The following FAF1 variants were observed in gnomAD, a reference collection of about 807,000 sequenced individuals.
FAF1 encodes the protein FAS-associated factor 1.
FAF1 carries 25 observed loss-of-function variants against 92.5 expected under a neutral mutation model. That is an observed-to-expected ratio of 0.27 (90% confidence interval 0.20 to 0.38). FAF1 has a LOEUF of 0.38. FAF1 is among the 10% of genes least tolerant of loss of function. FAF1 has a pLI of 1.00. For synonymous variants in FAF1, 234 were observed against 273.2 expected (o/e 0.86, Z 1.42); for missense variants, 636 against 793.3 (o/e 0.80, Z 2.38).
chr1:50,759,522 G>A (rs904847360), intron 4 of FAF1, among the ~76,000 whole-genome samples: 277 of 152,022 alleles, frequency 1.8e-3, no homozygotes, highest in African/African-American at 6.1e-3. Context: ...TGGTGTATAT[G>A]TGCCACATTT....
At chr1:50,865,202 G>C (rs1371781770) in intron 1 of FAF1, among the ~76,000 whole-genome samples, 3 of 152,156 alleles carry the variant, frequency 2.0e-5, no homozygotes, top group Non-Finnish European at 4.4e-5. Context: ...GTGCTGGAGA[G>C]GATGTGGAGA....
At chr1:50,554,942 T>C (rs1341844510) in intron 13 of FAF1, among the ~76,000 whole-genome samples, 1 of 152,148 alleles carries the variant, frequency 6.6e-6, no homozygotes, top group Non-Finnish European at 1.5e-5. Context: ...TCTATGATGA[T>C]TGACATCTGT....
intron 12 of FAF1, among the ~76,000 whole-genome samples, chr1:50,577,006 A>G (rs1650778897): frequency 6.6e-6 from 1 of 152,054 alleles, no homozygotes; most frequent in South Asian, 2.1e-4. Context: ...CCAGGGCATC[A>G]CAGGCCCCTT....
At position 50,729,020 on chromosome 1, in the gene FAF1, ATC is replaced by A. The variant is rs1362763304; in HGVS notation, c.551+9841_551+9842del. ...GAAAACTTTATCTATCTATCTATCT[ATC>A]TATCTATCTATCTATATATATATAT... On this transcript the variant is annotated intron_variant, in intron 6 of 18. Coordinates refer to ENST00000396153, the MANE Select transcript of FAF1 (RefSeq NM_007051.3). Among the ~76,000 whole-genome samples the A allele has an allele frequency of 1.7e-4, 13 of 75,520 alleles. No homozygotes were observed. In the East Asian group the frequency reaches 1.9e-3, roughly 11 times the overall value. 49.5% of individuals were successfully genotyped at this position (75,520 alleles called of 152,430 possible). A position where few individuals can be genotyped will look rare whatever the true frequency, so the allele number is the denominator to read the frequency against.
At chr1:50,836,182 T>TTTTTTTTTTTTTTTTTTTTTTTG (rs1302449670) in intron 2 of FAF1, among the ~76,000 whole-genome samples, 1 of 141,956 alleles carries the variant, frequency 7.0e-6, no homozygotes, top group Non-Finnish European at 1.5e-5. Flanking sequence ...TTTTTTTTTT[T>TTTTTTTTTTTTTTTTTTTTTTTG]TTTTTTTAGA....
At chr1:50,758,162 C>T (rs779464260) in intron 4 of FAF1, among the ~76,000 whole-genome samples, 1 of 152,210 alleles carries the variant, frequency 6.6e-6, no homozygotes, top group Admixed American at 6.5e-5. Flanking sequence ...AAGTGATCTA[C>T]CCACCTTGGC....
At chr1:50,739,010 G>T in intron 5 of FAF1, 56 bp from the exon 6 acceptor site, 3 of 1,066,054 alleles carry the variant, frequency 2.8e-6, no homozygotes, top group Non-Finnish European at 4.2e-6. Flanking sequence ...ATTCATTATT[G>T]ATTTTTCCTG....
chr1:50,667,098 C>T (rs1221479864), intron 7 of FAF1, among the ~76,000 whole-genome samples: 2 of 152,146 alleles, frequency 1.3e-5, no homozygotes, highest in Non-Finnish European at 2.9e-5. Flanking sequence ...GAATGCTTCA[C>T]AGAAAGGGGG....
intron 7 of FAF1, among the ~76,000 whole-genome samples, chr1:50,704,990 C>T (rs1423850973): frequency 6.6e-6 from 1 of 152,066 alleles, no homozygotes; most frequent in African/African-American, 2.4e-5. Context: ...ATAAAATAAT[C>T]CAAGATTAAG....
At chr1:50,744,836 T>C (rs767717167) in intron 4 of FAF1, 61 bp from the exon 5 acceptor site, 354 of 972,268 alleles carry the variant, frequency 3.6e-4, no homozygotes, top group Admixed American at 7.9e-4. Flanking sequence ...CATTTGTCCA[T>C]ATCCAGAGCT....
At chr1:50,465,709 C>T (rs776456779) in intron 18 of FAF1, among the ~76,000 whole-genome samples, 2 of 151,904 alleles carry the variant, frequency 1.3e-5, no homozygotes, top group African/African-American at 4.8e-5. Flanking sequence ...GCAGAGAGGG[C>T]AGGGAAGGAA....
At chr1:50,864,952 G>A (rs1028837593) in intron 1 of FAF1, among the ~76,000 whole-genome samples, 1 of 151,596 alleles carries the variant, frequency 6.6e-6, no homozygotes, top group Non-Finnish European at 1.5e-5. Context: ...CTGACAAAGG[G>A]CTAATATCCA....
chr1:50,501,225 A>G (rs7535374), intron 15 of FAF1, among the ~76,000 whole-genome samples: 10,159 of 152,308 alleles, frequency 0.067, 447 homozygotes, highest in Non-Finnish European at 0.1. Context: ...AAAATGGAGA[A>G]AAGATTTGCA....
intron 2 of FAF1, among the ~76,000 whole-genome samples, chr1:50,836,620 G>A (rs559926239): frequency 6.6e-6 from 1 of 152,176 alleles, no homozygotes; most frequent in African/African-American, 2.4e-5. Context: ...TTCAATAATT[G>A]TTAATACTCT....
Position 50,742,422 on chromosome 1 carries a change from C to T in FAF1, c.459+2262G>A, listed in dbSNP as rs72901000. Among the ~76,000 whole-genome samples, 982 of 152,146 alleles carry T rather than the reference C, an allele frequency of 6.5e-3. 19 individuals carry two copies. Among genetic ancestry groups the T allele is most frequent in the African/African-American group, 0.023 (937 of 41,516 alleles). ...CGGGGGAGAGAGACTCTTGCTCTGT[C>T]GCCCAGGATGGAGTGTAGTGGCAAA... On this transcript the variant is annotated intron_variant, in intron 5 of 18. Transcript: ENST00000396153.
intron 7 of FAF1, among the ~76,000 whole-genome samples, chr1:50,664,730 C>T (rs1655546739): frequency 6.6e-6 from 1 of 152,322 alleles, no homozygotes; most frequent in East Asian, 1.9e-4. Context: ...GGAGGCGGAG[C>T]TTGCAGAGAG....
intron 7 of FAF1, among the ~76,000 whole-genome samples, chr1:50,672,455 T>C (rs1655940215): frequency 6.6e-6 from 1 of 152,116 alleles, no homozygotes; most frequent in African/African-American, 2.4e-5. Context: ...TGTATTTTTT[T>C]TGTTTTTTGT....
intron 15 of FAF1, among the ~76,000 whole-genome samples, chr1:50,531,488 G>A (rs1408466420): frequency 6.6e-6 from 1 of 152,124 alleles, no homozygotes; most frequent in East Asian, 1.9e-4. Context: ...TCAGGCTTTA[G>A]GCAAAAATAG....
Position 50,539,762 on chromosome 1 carries a change from T to G in FAF1, c.1269-34A>C, listed in dbSNP as rs199994151. Reference sequence around the variant, plus strand: ...AGACAAAATACAAAGTAAGTTTTGCTTTGTAGTTTAATAGATTTACTAGTA... The same window carrying G: ...AGACAAAATACAAAGTAAGTTTTGCGTTGTAGTTTAATAGATTTACTAGTA... On this transcript the variant is annotated intron_variant, in intron 13 of 18. Transcript: ENST00000396153. The G allele has an allele frequency of 5.9e-4, 922 of 1,565,238 alleles. 1 individual carries two copies. Among genetic ancestry groups the G allele is most frequent in the Non-Finnish European group, 7.5e-4 (860 of 1,141,516 alleles).
Sources: gnomAD v4.1 joint callset for allele counts (sites outside exome capture counted in the v4.1 genomes callset) on GRCh38, gnomAD v4.1.1 for gene constraint, MANE v1.5 for transcripts, NCBI Gene and HGNC (gene_info 2026-07-23, HGNC 2026-07-21) for gene names.